Variants in EIF4G3 observed in about 807,000 individuals in gnomAD.
The protein encoded by EIF4G3 is eukaryotic translation initiation factor 4 gamma 3, also known as eIF-4-gamma 3.
In EIF4G3, 34 loss-of-function variants were observed where a neutral mutation model predicts 186.4. The observed-to-expected ratio is 0.18, with a 90% confidence interval of 0.14 to 0.24. The LOEUF is 0.24. EIF4G3 is among the 10% of genes least tolerant of loss of function. EIF4G3 has a pLI of 1.00. For missense variants in EIF4G3, 1,536 were observed against 1,948.5 expected (o/e 0.79, Z 3.99); for synonymous variants, 673 against 679.5 (o/e 0.99, Z 0.15).
chr1:21,023,709 C>G (rs2091399956), intron 4 of EIF4G3, among the ~76,000 whole-genome samples: 1 of 151,598 alleles, frequency 6.6e-6, no homozygotes, highest in Admixed American at 6.6e-5. Flanking sequence ...GTGTCTCTGC[C>G]TGGCCGCCCA....
chr1:20,908,613 C>CAAG (rs1302257812), intron 14 of EIF4G3, among the ~76,000 whole-genome samples: 1 of 152,110 alleles, frequency 6.6e-6, no homozygotes, highest in Admixed American at 6.5e-5. Context: ...GGATGTAATA[C>CAAG]AAGTCATCCC....
chr1:20,901,898 G>C (rs573954927), intron 15 of EIF4G3, among the ~76,000 whole-genome samples: 1 of 152,258 alleles, frequency 6.6e-6, no homozygotes, highest in East Asian at 1.9e-4. Context: ...TCACTTGACA[G>C]AACTCTGTGC....
chr1:21,166,769 GT>G (rs577621602), intron 2 of EIF4G3, among the ~76,000 whole-genome samples: 24 of 151,618 alleles, frequency 1.6e-4, no homozygotes, highest in African/African-American at 4.6e-4. Flanking sequence ...TGAATTAAGG[GT>G]TTTTTTTGTT....
chr1:20,916,452 A>C (rs143264668), intron 14 of EIF4G3, among the ~76,000 whole-genome samples: 3,242 of 152,148 alleles, frequency 0.021, 65 homozygotes, highest in Non-Finnish European at 0.027. Flanking sequence ...GTCTCAAAAA[A>C]AAAAACAAAA....
At chr1:20,861,909 G>C (rs61781079) in intron 23 of EIF4G3, among the ~76,000 whole-genome samples, 2,015 of 152,180 alleles carry the variant, frequency 0.013, 19 homozygotes, top group Non-Finnish European at 0.019. Context: ...GGGAGGCGGA[G>C]GCTGCAGTGA....
At chr1:20,896,472 G>GA in intron 16 of EIF4G3, among the ~76,000 whole-genome samples, 1 of 149,656 alleles carries the variant, frequency 6.7e-6, no homozygotes, top group East Asian at 2.0e-4. Context: ...AAAGAAAAAG[G>GA]AAAAAGAAAT....
intron 2 of EIF4G3, among the ~76,000 whole-genome samples, chr1:21,134,556 G>A (rs1573074906): frequency 6.6e-6 from 1 of 152,168 alleles, no homozygotes; most frequent in East Asian, 1.9e-4. Context: ...TGTAGTCCCA[G>A]CTACTCGGGC....
intron 12 of EIF4G3, among the ~76,000 whole-genome samples, chr1:20,951,251 G>A (rs2096205713): frequency 6.6e-6 from 1 of 152,022 alleles, no homozygotes; most frequent in South Asian, 2.1e-4. Flanking sequence ...TATCATTTAA[G>A]TAACTATGCT....
chr1:21,003,111 C>G (rs967762900), intron 4 of EIF4G3, among the ~76,000 whole-genome samples: 1 of 150,520 alleles, frequency 6.6e-6, no homozygotes, highest in African/African-American at 2.4e-5. Flanking sequence ...ATCCTCCCAC[C>G]TCAGCCTCTG....
chr1:21,123,404 A>T (rs1356078865), intron 2 of EIF4G3, among the ~76,000 whole-genome samples: 1 of 151,936 alleles, frequency 6.6e-6, no homozygotes, highest in Non-Finnish European at 1.5e-5. Flanking sequence ...CTCTACTAAA[A>T]ATACAAAAAA....
chr1:21,135,363 G>T (rs1279953845), intron 2 of EIF4G3, among the ~76,000 whole-genome samples: 1 of 152,190 alleles, frequency 6.6e-6, no homozygotes, highest in African/African-American at 2.4e-5. Flanking sequence ...GCTGGCTGTG[G>T]TGGCGCATGC....
At chr1:21,167,752 C>T (rs567845350) in intron 2 of EIF4G3, among the ~76,000 whole-genome samples, 4 of 151,450 alleles carry the variant, frequency 2.6e-5, no homozygotes, top group East Asian at 1.9e-4. Context: ...AGTGAGACTC[C>T]GTCACAAAGA....
chr1:21,053,232 C>CACT lies in EIF4G3; in HGVS notation c.-195-2239_-195-2238insAGT, dbSNP rs1244901343. Among the ~76,000 whole-genome samples the CACT allele has an allele frequency of 1.2e-4, 18 of 152,082 alleles. No individual in the cohort carries two copies. The East Asian group carries it at 3.5e-3, about 30-fold the overall frequency. ...GTGAGGAGCGTCTCTGCCCGGCCGC[C>CACT]CCGTCTGAGAAGTGAGGAGACCCTC... On this transcript the variant is annotated intron_variant, in intron 3 of 36. Transcript: ENST00000602326.
intron 4 of EIF4G3, among the ~76,000 whole-genome samples, chr1:21,019,875 G>A (rs1432895173): frequency 1.3e-5 from 2 of 151,882 alleles, no homozygotes; most frequent in South Asian, 2.1e-4. Flanking sequence ...AGAGCAAGAC[G>A]CCGTCTCAAA....
At chr1:20,908,686 T>C (rs565786306) in intron 14 of EIF4G3, among the ~76,000 whole-genome samples, 3 of 152,278 alleles carry the variant, frequency 2.0e-5, no homozygotes, top group South Asian at 4.1e-4. Context: ...TGGATTCAAA[T>C]TGTTACTCCT....
At chr1:21,107,864 T>C (rs547688006) in intron 2 of EIF4G3, among the ~76,000 whole-genome samples, 2 of 152,200 alleles carry the variant, frequency 1.3e-5, no homozygotes, top group African/African-American at 4.8e-5. Flanking sequence ...ATAACAATTC[T>C]TTTTTGGCCA....
At chr1:20,879,597 A>T in intron 19 of EIF4G3, 77 bp from the exon 20 acceptor site, 3 of 882,830 alleles carry the variant, frequency 3.4e-6, no homozygotes, top group Non-Finnish European at 4.7e-6. Context: ...ATTAATTTTA[A>T]AAATAATATA....
At chr1:21,063,514 T>C (rs941497672) in intron 3 of EIF4G3, among the ~76,000 whole-genome samples, 1 of 151,642 alleles carries the variant, frequency 6.6e-6, no homozygotes, top group Admixed American at 6.6e-5. Context: ...TTTAGAAAAA[T>C]GTGTTTTAAA....
In EIF4G3 at chr1:20,879,356, C is replaced by G; in HGVS notation, c.2589G>C (p.Val863=). The change falls in exon 20 of 37, where the codon GTG becomes GTC. Residue 863 remains valine, a synonymous_variant. Coordinates refer to ENST00000602326, the MANE Select transcript of EIF4G3 (RefSeq NM_001391906.1). ...EKAIDEPSFS[V]AYANMCRCLV... The stretch of plus-strand genomic sequence containing the variant: ...GACATCGACACATGTTTGCGTAAGC[C>G]ACAGAGAAACTGGGTTCATCAATAG... The G allele has an allele frequency of 6.2e-7, 1 of 1,604,890 alleles. No individual in the cohort carries two copies. The highest frequency in any genetic ancestry group is 8.5e-7 in the Non-Finnish European group (1 of 1,175,696).
Sources: gnomAD v4.1 joint callset for allele counts (sites outside exome capture counted in the v4.1 genomes callset) on GRCh38, gnomAD v4.1.1 for gene constraint, MANE v1.5 for transcripts, NCBI Gene and HGNC (gene_info 2026-07-23, HGNC 2026-07-21) for gene names.